LIFR: variants seen among roughly 807,000 people sequenced by gnomAD.
LIFR encodes LIF receptor subunit alpha.
Under a neutral mutation model 122.2 loss-of-function variants are expected in LIFR, and 84 were observed. The observed-to-expected ratio is 0.69, with a 90% CI of 0.58 to 0.82. LIFR has a LOEUF of 0.82. Ranked by LOEUF, LIFR falls within the 40% of genes least tolerant of loss-of-function variation. The probability of loss-of-function intolerance (pLI) is 0.00; values close to 1 mark genes in which losing one functional copy is unlikely to be tolerated. For missense variants in LIFR, 1,294 were observed against 1,311.6 expected (o/e 0.99, Z 0.21); for synonymous variants, 422 against 434.7 (o/e 0.97, Z 0.36).
upstream of LIFR, chr5:38,557,419 C>T (rs867053293): frequency 1.2e-4 from 18 of 154,888 alleles, no homozygotes; most frequent in Middle Eastern, 5.2e-4. Context: ...TTTGATGGCG[C>T]AGAATCACGG....
At position 38,506,639 on chromosome 5, in the gene LIFR, GA is replaced by G; in HGVS notation, c.992-8del. On this transcript the variant is annotated splice_region_variant and splice_polypyrimidine_tract_variant and intron_variant, in intron 7 of 19. Coordinates refer to ENST00000453190, the MANE Select transcript of LIFR (RefSeq NM_001127671.2). ...TGAGGAGTATCTGGTGGATCTAACA[GA>G]AAAAAAATGCAGGTACTTATGATTA... is the stretch of plus-strand genomic sequence containing the variant. 8 of 1,606,588 alleles carry G rather than the reference GA, an allele frequency of 5.0e-6. No homozygotes were observed. The highest frequency in any genetic ancestry group is 1.1e-5 in the South Asian group (1 of 90,648).
In LIFR at chr5:38,527,211, G is replaced by T. The variant is rs1319751116; in HGVS notation, c.341C>A (p.Ser114Tyr). The change falls in exon 4 of 20, where the codon TCT becomes TAT. Residue 114 changes from serine (S) to tyrosine (Y), a missense_variant. Transcript: ENST00000453190. ...TGTAGAACTTCCAAAATCATGTAGA[G>T]AATTTATTGTTATTTCATAATCACC... ...SHGDYEITIN[S>Y]LHDFGSSTSK... is the part of the protein sequence containing the mutation. 3 of 1,587,100 alleles carry T rather than the reference G, an allele frequency of 1.9e-6. No individual in the cohort carries two copies. The highest frequency in any genetic ancestry group is 1.7e-5 in the Admixed American group (1 of 59,686).
At chr5:38,566,359 A>G (rs1049666312) in intron 1 of LIFR, among the ~76,000 whole-genome samples, 2 of 152,166 alleles carry the variant, frequency 1.3e-5, no homozygotes, top group Admixed American at 6.5e-5. Flanking sequence ...TAAAATCAAT[A>G]TTTTCTTCAT....
chr5:38,496,907 G>GTGAA (rs1447676373), intron 12 of LIFR, among the ~76,000 whole-genome samples: 1 of 152,078 alleles, frequency 6.6e-6, no homozygotes, highest in Admixed American at 6.5e-5. Context: ...AAGCCAGGAG[G>GTGAA]TGAAGGTTGC....
At chr5:38,520,127 T>C (rs1397179076) in intron 5 of LIFR, among the ~76,000 whole-genome samples, 1 of 152,104 alleles carries the variant, frequency 6.6e-6, no homozygotes, top group Non-Finnish European at 1.5e-5. Flanking sequence ...TCCTCACCAA[T>C]ATATAAGTTT....
Position 38,479,052 on chromosome 5 carries a change from A to G in LIFR, c.*2543T>C, listed in dbSNP as rs1480506835. ...GCGCACATTTACCAGTATCTCAGAC[A>G]ACTGAACATGTGACCAATCTCCTTC... is the stretch of plus-strand genomic sequence containing the variant. On this transcript the variant is annotated 3_prime_UTR_variant, in exon 20 of 20. Transcript: ENST00000453190. The G allele has an allele frequency of 4.3e-6, 1 of 232,104 alleles. No individual in the cohort carries two copies. The highest frequency in any genetic ancestry group is 5.6e-5 in the Admixed American group (1 of 17,742). The allele number at this position is 232,104 out of a possible 1,614,324, so 14.4% of individuals were successfully genotyped here.
chr5:38,567,740 G>C (rs1417559178), intron 1 of LIFR, among the ~76,000 whole-genome samples: 1 of 151,950 alleles, frequency 6.6e-6, no homozygotes, highest in Non-Finnish European at 1.5e-5. Flanking sequence ...TGTTGGCCAG[G>C]CTGGTCTCGA....
At chr5:38,554,616 G>T (rs560655059) in intron 1 of LIFR, among the ~76,000 whole-genome samples, 1 of 152,274 alleles carries the variant, frequency 6.6e-6, no homozygotes, top group African/African-American at 2.4e-5. Flanking sequence ...GCGGGGCAGG[G>T]GGAGCTGGTG....
intron 11 of LIFR, among the ~76,000 whole-genome samples, chr5:38,501,710 C>T (rs1745189300): frequency 6.6e-6 from 1 of 151,784 alleles, no homozygotes; most frequent in Non-Finnish European, 1.5e-5. Context: ...CATTGCACTC[C>T]AGCCTAGGTG....
At chr5:38,503,856 G>A in intron 10 of LIFR, 120 bp downstream of exon 10, 1 of 755,746 alleles carries the variant, frequency 1.3e-6, no homozygotes. Flanking sequence ...GTCTTTCTTG[G>A]TTCTTAGTAA....
Position 38,503,917 on chromosome 5 carries a change from CTTTT to C in LIFR, c.1437+55_1437+58del. On this transcript the variant is annotated intron_variant, in intron 10 of 19. Transcript: ENST00000453190. ...CTTAAGCATATCAATTTGCTTAATT[CTTTT>C]TGAGAACTATTTTATCCAAAATAAT... The C allele has an allele frequency of 7.9e-6, 10 of 1,259,264 alleles. No homozygotes were observed. The South Asian group carries it at 1.3e-4, about 16-fold the overall frequency. 78.0% of individuals were successfully genotyped at this position (1,259,264 alleles called of 1,614,324 possible).
chr5:38,548,027 G>A (rs1000976697), intron 1 of LIFR, among the ~76,000 whole-genome samples: 8 of 151,946 alleles, frequency 5.3e-5, no homozygotes, highest in African/African-American at 1.7e-4. Flanking sequence ...TATGGTACAC[G>A]ACTATAAATG....
At chr5:38,509,837 A>T (rs971405274) in intron 7 of LIFR, among the ~76,000 whole-genome samples, 13 of 152,332 alleles carry the variant, frequency 8.5e-5, no homozygotes, top group African/African-American at 3.1e-4. Flanking sequence ...CCACATGGGC[A>T]GGGCAGCCCA....
At chr5:38,571,529 C>CA (rs11297745) in intron 1 of LIFR, among the ~76,000 whole-genome samples, 21,963 of 74,644 alleles carry the variant, frequency 0.29, 3,288 homozygotes, top group East Asian at 0.35. Context: ...CATTCCAGCT[C>CA]AAAAAAAAAA....
At chr5:38,482,803 A>G (rs1376863148) in intron 18 of LIFR, 136 bp from the exon 19 acceptor site, 6 of 468,408 alleles carry the variant, frequency 1.3e-5, no homozygotes, top group African/African-American at 2.0e-5. Flanking sequence ...GAAGATCTTT[A>G]GTGTGATCAT....
At chr5:38,535,363 C>T (rs1488352518) in intron 1 of LIFR, among the ~76,000 whole-genome samples, 3 of 152,210 alleles carry the variant, frequency 2.0e-5, no homozygotes, top group Admixed American at 6.5e-5. Context: ...TCTGCTGCTG[C>T]TTCCACAACA....
rs376995057 is a variant in LIFR, at chr5:38,515,862, A to G, written c.562-3898T>C. 4.9e-4 allele frequency among the ~76,000 whole-genome samples: 74 copies of G among 152,322 alleles called. 1 individual carries two copies. The highest frequency in any genetic ancestry group is 1.8e-3 in the African/African-American group (73 of 41,572). On this transcript the variant is annotated intron_variant, in intron 5 of 19. Transcript: ENST00000453190. ...CCACTGCTGGACACAGAGACCACAG[A>G]CAGACAAGTGCCTCACAAATGAAAC...
At chr5:38,508,796 G>A (rs1745637422) in intron 7 of LIFR, among the ~76,000 whole-genome samples, 1 of 152,006 alleles carries the variant, frequency 6.6e-6, no homozygotes, top group African/African-American at 2.4e-5. Flanking sequence ...GTGTTAGCCA[G>A]GATGGTCTCG....
At chr5:38,591,076 A>G (rs115440380) in intron 1 of LIFR, among the ~76,000 whole-genome samples, 381 of 152,374 alleles carry the variant, frequency 2.5e-3, no homozygotes, top group African/African-American at 8.9e-3. Context: ...CTGTAATAGT[A>G]TCTGTCCAGA....
Sources: gnomAD v4.1 joint callset for allele counts (sites outside exome capture counted in the v4.1 genomes callset) on GRCh38, gnomAD v4.1.1 for gene constraint, MANE v1.5 for transcripts, NCBI Gene and HGNC (gene_info 2026-07-23, HGNC 2026-07-21) for gene names.